GP6: variants seen among roughly 807,000 people sequenced by gnomAD.
The protein encoded by GP6 is glycoprotein VI platelet, also known as platelet glycoprotein VI.
Under a neutral mutation model 37.3 loss-of-function variants are expected in GP6, and 45 were observed. That is an observed-to-expected ratio of 1.21 (90% CI 0.95 to 1.55). The LOEUF (loss-of-function observed/expected upper bound fraction) is 1.55, where lower values mean the gene tolerates loss of function less well. Ranked by LOEUF, GP6 falls within the 40% of genes most tolerant of loss-of-function variation. The probability of loss-of-function intolerance (pLI) is 0.00; values close to 1 mark genes in which losing one functional copy is unlikely to be tolerated. For synonymous variants in GP6, 340 were observed against 316.4 expected (o/e 1.07, Z -0.79); for missense variants, 813 against 760.2 (o/e 1.07, Z -0.82).
intron 3 of GP6, among the ~76,000 whole-genome samples, chr19:55,031,721 C>T (rs1269190617): frequency 1.3e-5 from 2 of 152,260 alleles, no homozygotes; most frequent in East Asian, 3.9e-4. Context: ...GAGTTCGAGA[C>T]CAGCCTGAGC....
intron 5 of GP6, among the ~76,000 whole-genome samples, chr19:55,021,089 T>C (rs1278333104): frequency 7.2e-6 from 1 of 138,708 alleles, no homozygotes; most frequent in Non-Finnish European, 1.5e-5. Context: ...CCTGGTGCGG[T>C]GGCTCACGCC....
intron 6 of GP6, among the ~76,000 whole-genome samples, chr19:55,017,193 T>C (rs965507531): frequency 6.6e-6 from 1 of 151,336 alleles, no homozygotes; most frequent in African/African-American, 2.4e-5. Context: ...CTCAGGTCAC[T>C]GCAACCTCCA....
At chr19:55,026,102 C>T (rs1219833884) in intron 4 of GP6, among the ~76,000 whole-genome samples, 1 of 151,808 alleles carries the variant, frequency 6.6e-6, no homozygotes, top group Non-Finnish European at 1.5e-5. Context: ...CCACCTTTTT[C>T]AACCTCAGTT....
chr19:55,028,570 C>G (rs1302019299), intron 3 of GP6, among the ~76,000 whole-genome samples: 1 of 152,200 alleles, frequency 6.6e-6, no homozygotes, highest in Admixed American at 6.5e-5. Context: ...GTAACTGTCT[C>G]ACAGTGGATT....
In GP6 at chr19:55,014,935, C is replaced by A; in HGVS notation, c.1010G>T (p.Arg337Leu). 6.2e-7 allele frequency: 1 copy of A among 1,613,604 alleles called. No individual in the cohort carries two copies. Among genetic ancestry groups the A allele is most frequent in the Non-Finnish European group, 8.5e-7 (1 of 1,179,976 alleles). ...GGGTTCAGCGGTCATGAACATAACC[C>A]GCGGCTGTGAACATCCTGTCGGCCT... The change falls in exon 8 of 8, where the codon CGG becomes CTG. Residue 337 changes from arginine (R) to leucine (L), a missense_variant. Arg to Leu is a moderately radical substitution (Grantham distance 102). Transcript: ENST00000310373.
chr19:55,034,901 C>T (rs1441947391), intron 1 of GP6, among the ~76,000 whole-genome samples: 1 of 152,154 alleles, frequency 6.6e-6, no homozygotes, highest in East Asian at 1.9e-4. Context: ...GCCCCCATAG[C>T]CACCACCCTT....
In GP6 at chr19:55,031,313, G is replaced by A. The variant is rs1228828966; in HGVS notation, c.325+826C>T. ...GAGCCAAGCACGGTGGCCCGTGACC[G>A]TAGTCCCTGCTACTCATGAGGCTGA... On this transcript the variant is annotated intron_variant, in intron 3 of 7. Transcript: ENST00000310373. Among the ~76,000 whole-genome samples, 24 of 152,318 alleles carry A rather than the reference G, an allele frequency of 1.6e-4. No homozygotes were observed. The South Asian group carries it at 2.1e-3, about 13-fold the overall frequency.
intron 3 of GP6, among the ~76,000 whole-genome samples, chr19:55,030,571 G>C (rs780043313): frequency 6.6e-6 from 1 of 151,870 alleles, no homozygotes; most frequent in Non-Finnish European, 1.5e-5. Flanking sequence ...TCAAACTCCT[G>C]ACCTTAAGTG....
chr19:55,033,232 TGTTAGACACGGTGGACTCGTTC>T (rs2074667500), intron 1 of GP6, among the ~76,000 whole-genome samples: 2 of 107,402 alleles, frequency 1.9e-5, no homozygotes, highest in African/African-American at 3.8e-5. Context: ...GACTCGTTCG[TGTTAGACACGGTGGACTCGTTC>T]GTGTTAGACA....
chr19:55,033,198 C>G lies in GP6; in HGVS notation c.35-660G>C, dbSNP rs62122018. On this transcript the variant is annotated intron_variant, in intron 1 of 7. Coordinates refer to ENST00000310373, the MANE Select transcript of GP6 (RefSeq NM_001083899.2). ...CGTTCGTGTTAGACGCGGTGGACTC[C>G]TTCGTGTTGTGTTAGACACGGTGGA... 0.018 allele frequency among the ~76,000 whole-genome samples: 96 copies of G among 5,406 alleles called. 3 individuals carry two copies. In the East Asian group the frequency reaches 0.19, roughly 11 times the overall value. The allele number at this position is 5,406 out of a possible 152,430, so 3.5% of individuals were successfully genotyped here. A position where few individuals can be genotyped will look rare whatever the true frequency, so the allele number is the denominator to read the frequency against.
At position 55,027,871 on chromosome 19, in the gene GP6, AAAAG is replaced by A. The variant is rs1189716112; in HGVS notation, c.326-13_326-10del. The A allele has an allele frequency of 9.9e-6, 16 of 1,614,026 alleles. No homozygotes were observed. The highest frequency in any genetic ancestry group is 2.2e-5 in the East Asian group (1 of 44,894). On this transcript the variant is annotated splice_polypyrimidine_tract_variant and intron_variant, in intron 3 of 7. Coordinates refer to ENST00000310373, the MANE Select transcript of GP6 (RefSeq NM_001083899.2). ...GGGTTTGGCAAAAACTCCTGGGAGA[AAAAG>A]AAAGTCTGATGTTGAAGGCAGGAGC...
chr19:55,024,306 A>ACACACACGCACG (rs1349547133), intron 5 of GP6, among the ~76,000 whole-genome samples: 1 of 142,164 alleles, frequency 7.0e-6, no homozygotes, highest in East Asian at 2.1e-4. Flanking sequence ...GCATGCACAC[A>ACACACACGCACG]CATATGCACG....
chr19:55,030,463 G>A (rs1021266390), intron 3 of GP6, among the ~76,000 whole-genome samples: 32 of 151,336 alleles, frequency 2.1e-4, no homozygotes, highest in African/African-American at 6.6e-4. Flanking sequence ...CTCAGCCTCC[G>A]GAGTAGCTGG....
intron 1 of GP6, 126 bp from the exon 2 acceptor site, chr19:55,032,664 C>T: frequency 2.9e-6 from 3 of 1,025,384 alleles, no homozygotes; most frequent in Non-Finnish European, 3.0e-6. Flanking sequence ...CTTCAAAAGA[C>T]ACACAGGAAT....
chr19:55,029,326 A>G (rs1282820424), intron 3 of GP6, among the ~76,000 whole-genome samples: 2 of 740 alleles, frequency 2.7e-3, no homozygotes, highest in Admixed American at 0.014. Flanking sequence ...ATATATATAT[A>G]TATATATATA....
chr19:55,028,892 T>A (rs1271693320), intron 3 of GP6, among the ~76,000 whole-genome samples: 1 of 152,098 alleles, frequency 6.6e-6, no homozygotes, highest in African/African-American at 2.4e-5. Context: ...CCCAGCACTT[T>A]GGGAGGCCAA....
chr19:55,031,414 T>C (rs2074555386), intron 3 of GP6, among the ~76,000 whole-genome samples: 1 of 152,132 alleles, frequency 6.6e-6, no homozygotes, highest in South Asian at 2.1e-4. Context: ...GCCACTGCAC[T>C]CCGGCCTGGG....
chr19:55,027,355 A>G (rs1654424), intron 4 of GP6, among the ~76,000 whole-genome samples: 1 of 14,048 alleles, frequency 7.1e-5, no homozygotes, highest in African/African-American at 2.2e-4. Flanking sequence ...CCGCGCCCCT[A>G]CAGCCCAGGG....
chr19:55,021,788 G>A (rs1489494100), intron 5 of GP6, among the ~76,000 whole-genome samples: 1 of 152,108 alleles, frequency 6.6e-6, no homozygotes, highest in Admixed American at 6.6e-5. Context: ...CCAAAGTGCT[G>A]GGATTACCGG....
Sources: allele counts gnomAD v4.1 joint callset (sites outside exome capture counted in the v4.1 genomes callset), GRCh38; gene constraint gnomAD v4.1.1; transcripts MANE v1.5; gene names NCBI Gene and HGNC (gene_info 2026-07-23, HGNC 2026-07-21).